The following KYNU variants were observed in gnomAD, a reference collection of about 807,000 sequenced individuals.
The protein encoded by KYNU is kynureninase.
KYNU carries 54 observed loss-of-function variants against 59.2 expected under a neutral mutation model. The ratio of observed to expected loss-of-function variants is 0.91; its 90% confidence interval spans 0.73 to 1.14. KYNU has a LOEUF of 1.14. Ranked by LOEUF, KYNU falls within the 50% of genes most tolerant of loss-of-function variation. KYNU has a pLI of 0.00. For synonymous variants in KYNU, 177 were observed against 192.0 expected (o/e 0.92, Z 0.65); for missense variants, 567 against 554.4 (o/e 1.02, Z -0.23).
chr2:142,885,995 T>C (rs768240246), intron 2 of KYNU, among the ~76,000 whole-genome samples: 19 of 152,196 alleles, frequency 1.2e-4, no homozygotes, highest in Non-Finnish European at 2.2e-4. Context: ...TAGCCATCTT[T>C]GCATGCTGTA....
chr2:142,997,992 C>A (rs915908517), intron 10 of KYNU, among the ~76,000 whole-genome samples: 1 of 152,060 alleles, frequency 6.6e-6, no homozygotes, highest in African/African-American at 2.4e-5. Context: ...CGATGCTTTC[C>A]ATTTGATAAC....
At chr2:142,882,948 A>G (rs1225448721) in intron 1 of KYNU, among the ~76,000 whole-genome samples, 1 of 152,154 alleles carries the variant, frequency 6.6e-6, no homozygotes, top group Non-Finnish European at 1.5e-5. Context: ...TCCCACCAAC[A>G]GTGTAAAAGT....
At chr2:142,904,330 A>G (rs1682209154) in intron 2 of KYNU, among the ~76,000 whole-genome samples, 1 of 152,052 alleles carries the variant, frequency 6.6e-6, no homozygotes, top group South Asian at 2.1e-4. Context: ...CACCAATTCC[A>G]TGTTCTGATT....
Position 143,038,694 on chromosome 2 carries a change from A to G in KYNU, c.1042-1734A>G, listed in dbSNP as rs1045997298. Among the ~76,000 whole-genome samples, 6 of 152,080 alleles carry G rather than the reference A, an allele frequency of 3.9e-5. No homozygotes were observed. In the South Asian group the frequency reaches 1.0e-3, roughly 26 times the overall value. On this transcript the variant is annotated intron_variant, in intron 12 of 13. Transcript: ENST00000264170. ...TCTTGCTTAGATATCATTTACCTTCAGTACAGTTCCCAGCCTCTCCTTCAG... is the reference window on the plus strand; with the variant it reads ...TCTTGCTTAGATATCATTTACCTTCGGTACAGTTCCCAGCCTCTCCTTCAG...
At chr2:143,012,248 G>T (rs535960448) in intron 10 of KYNU, among the ~76,000 whole-genome samples, 1 of 151,962 alleles carries the variant, frequency 6.6e-6, no homozygotes. Context: ...TTGGGAGGCC[G>T]AGGCGGGTGG....
rs1161805576 is a variant in KYNU at position 143,044,620 on chromosome 2, A to G, written c.*2448A>G. The stretch of plus-strand genomic sequence containing the variant: ...TTTTTTTCATATATTTGTTGGCCGC[A>G]TAAATGTCTTCTTTTGAGAAGTGTC... On this transcript the variant is annotated 3_prime_UTR_variant, in exon 14 of 14. Transcript: ENST00000264170. 2 of 152,156 alleles carry G rather than the reference A, an allele frequency of 1.3e-5. No homozygotes were observed. Among genetic ancestry groups the G allele is most frequent in the Non-Finnish European group, 2.9e-5 (2 of 68,024 alleles). The allele number at this position is 152,156 out of a possible 1,614,324, so 9.4% of individuals were successfully genotyped here.
intron 8 of KYNU, among the ~76,000 whole-genome samples, chr2:142,962,852 G>A (rs991137376): frequency 6.6e-6 from 1 of 152,156 alleles, no homozygotes; most frequent in Non-Finnish European, 1.5e-5. Context: ...TCTTTGAAAT[G>A]TAGACTTCGA....
chr2:142,991,421 A>G (rs72849138), intron 10 of KYNU, among the ~76,000 whole-genome samples: 2 of 152,052 alleles, frequency 1.3e-5, no homozygotes, highest in African/African-American at 2.4e-5. Context: ...GAGATAGACC[A>G]GTACCAATAG....
intron 10 of KYNU, among the ~76,000 whole-genome samples, chr2:143,004,798 C>A (rs1427128217): frequency 6.6e-6 from 1 of 152,176 alleles, no homozygotes; most frequent in Non-Finnish European, 1.5e-5. Context: ...AAACTAGGTA[C>A]TACTAACTTA....
rs1449625112 is a variant in KYNU at position 142,918,823 on chromosome 2, G to T, written c.290+94G>T. On this transcript the variant is annotated intron_variant, in intron 3 of 13. Coordinates refer to ENST00000264170, the MANE Select transcript of KYNU (RefSeq NM_003937.3). ...CTAATATTTGGAAAGATGTGTAATA[G>T]AATCCTAGTACAGTCATCCCTTGGC... The T allele has an allele frequency of 2.2e-6, 3 of 1,385,112 alleles. No individual in the cohort carries two copies. The African/African-American group carries it at 4.3e-5, about 20-fold the overall frequency. 85.8% of individuals were successfully genotyped at this position (1,385,112 alleles called of 1,614,324 possible). A position where few individuals can be genotyped will look rare whatever the true frequency, so the allele number is the denominator to read the frequency against.
At chr2:142,941,681 G>T (rs9917201) in intron 4 of KYNU, among the ~76,000 whole-genome samples, 26,883 of 152,046 alleles carry the variant, frequency 0.18, 3,080 homozygotes, top group East Asian at 0.33. Context: ...TAAGAGATTT[G>T]CCATGCTGAA....
At chr2:142,917,495 TCTCA>T (rs954960826) in intron 2 of KYNU, among the ~76,000 whole-genome samples, 9 of 151,490 alleles carry the variant, frequency 5.9e-5, no homozygotes, top group South Asian at 2.1e-4. Flanking sequence ...AGAGATGGAG[TCTCA>T]CTATGTTGCC....
chr2:142,951,726 T>C (rs1447565110), intron 4 of KYNU, among the ~76,000 whole-genome samples: 4 of 152,262 alleles, frequency 2.6e-5, no homozygotes, highest in Non-Finnish European at 5.9e-5. Flanking sequence ...GGACTAACCC[T>C]GTCCTTGGAC....
In KYNU at chr2:143,045,373, A is replaced by G. The variant is rs1412590444; in HGVS notation, c.*3201A>G. ...GTTTTTTCTAATTCTGTGAAGAAAGACAATGGTAGCTTGATGGAAATAGCA... is the reference window on the plus strand; with the variant it reads ...GTTTTTTCTAATTCTGTGAAGAAAGGCAATGGTAGCTTGATGGAAATAGCA... On this transcript the variant is annotated 3_prime_UTR_variant, in exon 14 of 14. Transcript: ENST00000264170. 1 of 152,084 alleles carries G rather than the reference A, an allele frequency of 6.6e-6. No individual in the cohort carries two copies. The highest frequency in any genetic ancestry group is 6.6e-5 in the Admixed American group (1 of 15,240). The allele number at this position is 152,084 out of a possible 1,614,324, so 9.4% of individuals were successfully genotyped here.
chr2:142,932,179 TA>T (rs1421306342), intron 4 of KYNU, among the ~76,000 whole-genome samples: 1 of 151,966 alleles, frequency 6.6e-6, no homozygotes. Context: ...CAAGTGAGAA[TA>T]GGGTGGAAAA....
intron 4 of KYNU, among the ~76,000 whole-genome samples, chr2:142,933,992 C>T (rs188036333): frequency 2.0e-4 from 30 of 152,220 alleles, no homozygotes; most frequent in African/African-American, 6.7e-4. Flanking sequence ...GACAGAATTA[C>T]GGAAAGTAAA....
rs1453258759 is a variant in KYNU, at chr2:143,043,973, T to C, written c.*1801T>C. Reference sequence around the variant, plus strand: ...CTACATCAGGTATTTCTCCTAATGCTCACCCTCCTCTTATCCCCAACTACC... The same window carrying C: ...CTACATCAGGTATTTCTCCTAATGCCCACCCTCCTCTTATCCCCAACTACC... On this transcript the variant is annotated 3_prime_UTR_variant, in exon 14 of 14. Coordinates refer to ENST00000264170, the MANE Select transcript of KYNU (RefSeq NM_003937.3). The C allele has an allele frequency of 6.6e-6, 1 of 151,874 alleles. No individual in the cohort carries two copies. Among genetic ancestry groups the C allele is most frequent in the Non-Finnish European group, 1.5e-5 (1 of 67,978 alleles). 9.4% of individuals were successfully genotyped at this position (151,874 alleles called of 1,614,324 possible). A position where few individuals can be genotyped will look rare whatever the true frequency, so the allele number is the denominator to read the frequency against.
chr2:142,898,465 C>T (rs1441045935), intron 2 of KYNU, among the ~76,000 whole-genome samples: 1 of 98,962 alleles, frequency 1.0e-5, no homozygotes, highest in Admixed American at 1.1e-4. Context: ...TTCCCTAGTT[C>T]AAGGGAAAAA....
intron 10 of KYNU, among the ~76,000 whole-genome samples, chr2:143,008,147 T>G (rs1288184390): frequency 9.0e-6 from 1 of 111,034 alleles, no homozygotes; most frequent in Non-Finnish European, 1.8e-5. Flanking sequence ...ATCAGTGTGC[T>G]GTATTCAGGA....
Sources: gnomAD v4.1 joint callset for allele counts (sites outside exome capture counted in the v4.1 genomes callset) on GRCh38, gnomAD v4.1.1 for gene constraint, MANE v1.5 for transcripts, NCBI Gene and HGNC (gene_info 2026-07-23, HGNC 2026-07-21) for gene names.